The following FRMPD3 variants were observed in gnomAD, a reference collection of about 807,000 sequenced individuals.
FRMPD3 encodes FERM and PDZ domain containing 3, also known as FERM and PDZ domain-containing protein 3.
FRMPD3 carries 42 observed loss-of-function variants against 97.9 expected under a neutral mutation model. The ratio of observed to expected loss-of-function variants is 0.43; its 90% CI spans 0.34 to 0.55. The LOEUF (loss-of-function observed/expected upper bound fraction) is 0.55. Among genes scored for constraint, FRMPD3 ranks in the 20% least tolerant of loss-of-function variants. The pLI is 0.03. For missense variants in FRMPD3, 1,303 were observed against 1,457.7 expected (o/e 0.89, Z 1.73); for synonymous variants, 577 against 581.1 (o/e 0.99, Z 0.10).
intron 4 of FRMPD3, among the ~76,000 whole-genome samples, chrX:107,537,675 A>G (rs1422465589): frequency 1.8e-5 from 2 of 111,290 alleles, no homozygotes; most frequent in Non-Finnish European, 1.9e-5. Context: ...GGCAGTGCCT[A>G]TTTACCAATC....
chrX:107,582,465 C>T (rs1182724942), intron 13 of FRMPD3, among the ~76,000 whole-genome samples: 1 of 112,326 alleles, frequency 8.9e-6, no homozygotes, highest in African/African-American at 3.2e-5. Context: ...GGATTATAGG[C>T]GTGAGCCACC....
intron 1 of FRMPD3, among the ~76,000 whole-genome samples, chrX:107,500,047 AG>A (rs1921867537): frequency 8.9e-6 from 1 of 112,154 alleles, no homozygotes; most frequent in Non-Finnish European, 1.9e-5. Flanking sequence ...TGTACTCACT[AG>A]GGGAAGATCA....
rs778684970 is a variant in FRMPD3, at chrX:107,566,894, G to C, written c.1296+1828G>C. On this transcript the variant is annotated intron_variant, in intron 12 of 14. Transcript: ENST00000683843. ...AGGAGCACTATGCTTATTTCTAGGGGTGATCCAGCCACAGTTGTGGGAATG... is the reference window on the plus strand; with the variant it reads ...AGGAGCACTATGCTTATTTCTAGGGCTGATCCAGCCACAGTTGTGGGAATG... 5.4e-5 allele frequency among the ~76,000 whole-genome samples: 6 copies of C among 111,858 alleles called. No individual in the cohort carries two copies. The South Asian group carries it at 2.3e-3, about 42-fold the overall frequency.
At chrX:107,513,586 A>G (rs768947001) in intron 1 of FRMPD3, among the ~76,000 whole-genome samples, 3 of 110,726 alleles carry the variant, frequency 2.7e-5, no homozygotes, top group Non-Finnish European at 5.7e-5. Context: ...CCCTCCCTGT[A>G]CTCTTTCTTT....
intron 1 of FRMPD3, among the ~76,000 whole-genome samples, chrX:107,455,187 C>A (rs745483643): frequency 1.5e-4 from 17 of 111,688 alleles, no homozygotes; most frequent in Non-Finnish European, 2.8e-4. Context: ...TTCAAATTCA[C>A]CTCCTCTGTG....
intron 13 of FRMPD3, among the ~76,000 whole-genome samples, chrX:107,589,979 T>A (rs980389544): frequency 9.0e-6 from 1 of 111,318 alleles, no homozygotes; most frequent in East Asian, 2.8e-4. Flanking sequence ...GGTGAAACCC[T>A]GTCTCTACTA....
At chrX:107,528,309 C>T (rs920725210) in intron 2 of FRMPD3, among the ~76,000 whole-genome samples, 3 of 111,803 alleles carry the variant, frequency 2.7e-5, no homozygotes, top group Non-Finnish European at 5.6e-5. Flanking sequence ...TATGGTTGAT[C>T]AAGCCAACAA....
At chrX:107,503,189 T>C (rs768368913) in intron 1 of FRMPD3, among the ~76,000 whole-genome samples, 2 of 111,845 alleles carry the variant, frequency 1.8e-5, no homozygotes, top group South Asian at 7.6e-4. Flanking sequence ...CACTGTTGAA[T>C]AGCAGCACCA....
At chrX:107,556,777 T>C (rs768244415) in intron 8 of FRMPD3, among the ~76,000 whole-genome samples, 2 of 112,381 alleles carry the variant, frequency 1.8e-5, no homozygotes, top group Non-Finnish European at 3.8e-5. Context: ...GATCCATCTA[T>C]GTTGTTGCGT....
intron 2 of FRMPD3, among the ~76,000 whole-genome samples, chrX:107,530,066 T>G (rs1323100395): frequency 8.9e-6 from 1 of 112,343 alleles, no homozygotes; most frequent in Non-Finnish European, 1.9e-5. Context: ...AAAGGCAGAC[T>G]TAGCATTCTG....
chrX:107,524,651 T>A (rs984569839), intron 1 of FRMPD3, among the ~76,000 whole-genome samples: 6 of 112,767 alleles, frequency 5.3e-5, no homozygotes, highest in Non-Finnish European at 1.1e-4. Context: ...CTAAATGGTT[T>A]GAAGCATTTG....
chrX:107,583,335 G>A (rs1366349061), intron 13 of FRMPD3, among the ~76,000 whole-genome samples: 2 of 110,292 alleles, frequency 1.8e-5, no homozygotes, highest in African/African-American at 6.6e-5. Context: ...AAGAACATGC[G>A]ATGTTTGGTT....
At chrX:107,474,016 C>T (rs765669922) in intron 1 of FRMPD3, among the ~76,000 whole-genome samples, 6 of 112,334 alleles carry the variant, frequency 5.3e-5, no homozygotes, top group Non-Finnish European at 9.4e-5. Context: ...ACCTGGGAGG[C>T]GGAGGTTACA....
intron 1 of FRMPD3, among the ~76,000 whole-genome samples, chrX:107,507,601 G>T (rs1269216551): frequency 8.9e-6 from 1 of 112,640 alleles, no homozygotes; most frequent in East Asian, 2.8e-4. Context: ...CGGTAGGGCG[G>T]GTTGGAGCCT....
chrX:107,603,643 GC>G lies in FRMPD3; in HGVS notation c.*271del. ...CCCTCTTCACTCTGCTCACAGCAGA[GC>G]TGTATTTTATCTCTTCTCTGGGGCT... is the stretch of plus-strand genomic sequence containing the variant. On this transcript the variant is annotated 3_prime_UTR_variant, in exon 15 of 15. Coordinates refer to ENST00000683843, the MANE Select transcript of FRMPD3 (RefSeq NM_001388459.1). 5.9e-6 allele frequency: 2 copies of G among 339,882 alleles called. No homozygotes were observed. Among genetic ancestry groups the G allele is most frequent in the Non-Finnish European group, 9.7e-6 (2 of 206,289 alleles). 28.0% of individuals were successfully genotyped at this position (339,882 alleles called of 1,213,427 possible).
chrX:107,591,354 A>G (rs1923891876), intron 13 of FRMPD3, among the ~76,000 whole-genome samples: 1 of 110,483 alleles, frequency 9.1e-6, no homozygotes, highest in African/African-American at 3.3e-5. Flanking sequence ...ACGAGGTTTC[A>G]CCCTGTTGGT....
intron 1 of FRMPD3, among the ~76,000 whole-genome samples, chrX:107,488,066 C>G (rs1921553515): frequency 1.8e-5 from 2 of 111,732 alleles, no homozygotes; most frequent in Admixed American, 1.9e-4. Context: ...TCTCTGCTCT[C>G]TCTGCAATCT....
chrX:107,479,332 A>G (rs1921279565), intron 1 of FRMPD3, among the ~76,000 whole-genome samples: 1 of 111,802 alleles, frequency 8.9e-6, no homozygotes, highest in Admixed American at 9.5e-5. Flanking sequence ...AAAATCATAA[A>G]CATTAATTGA....
intron 6 of FRMPD3, among the ~76,000 whole-genome samples, chrX:107,552,037 A>G (rs1276107509): frequency 8.9e-6 from 1 of 112,272 alleles, no homozygotes; most frequent in Non-Finnish European, 1.9e-5. Flanking sequence ...AGCCCAGTGT[A>G]TAAGCCAAAG....
Sources: allele counts gnomAD v4.1 joint callset (sites outside exome capture counted in the v4.1 genomes callset), GRCh38; gene constraint gnomAD v4.1.1; transcripts MANE v1.5; gene names NCBI Gene and HGNC (gene_info 2026-07-23, HGNC 2026-07-21).